MRPS28: variants seen among roughly 807,000 people sequenced by gnomAD.
MRPS28 encodes the protein small ribosomal subunit protein bS1m.
Under a neutral mutation model 10.8 loss-of-function variants are expected in MRPS28, and 7 were observed. The observed-to-expected ratio is 0.65, with a 90% confidence interval of 0.37 to 1.22. MRPS28 has a LOEUF of 1.22. Among genes scored for constraint, MRPS28 ranks in the 50% most tolerant of loss-of-function variants. The pLI is 0.02. For missense variants in MRPS28, 265 were observed against 232.9 expected (o/e 1.14, Z -0.90); for synonymous variants, 121 against 93.3 (o/e 1.30, Z -1.71).
At chr8:79,963,819 T>C (rs1331798740) in intron 2 of MRPS28, among the ~76,000 whole-genome samples, 2 of 152,192 alleles carry the variant, frequency 1.3e-5, no homozygotes, top group East Asian at 3.9e-4. Flanking sequence ...GGCGGAAGAA[T>C]GCTCCACACT....
intron 2 of MRPS28, among the ~76,000 whole-genome samples, chr8:79,921,679 T>C (rs1182092946): frequency 6.6e-6 from 1 of 152,208 alleles, no homozygotes; most frequent in African/African-American, 2.4e-5. Flanking sequence ...AAGGAGATTT[T>C]GGGCTGAGAC....
At chr8:79,995,404 T>C (rs144004513) in intron 2 of MRPS28, among the ~76,000 whole-genome samples, 1 of 152,360 alleles carries the variant, frequency 6.6e-6, no homozygotes, top group East Asian at 1.9e-4. Flanking sequence ...ACTCATTTAT[T>C]TGCAAATTCA....
intron 1 of MRPS28, 22 bp downstream of exon 1, chr8:80,030,014 C>G (rs552959558): frequency 6.2e-7 from 1 of 1,609,766 alleles, no homozygotes; most frequent in East Asian, 2.2e-5. Context: ...CCGCGACTCC[C>G]TCTCACCCGC....
At chr8:79,981,701 A>T (rs1807958627) in intron 2 of MRPS28, among the ~76,000 whole-genome samples, 1 of 152,236 alleles carries the variant, frequency 6.6e-6, no homozygotes, top group Admixed American at 6.5e-5. Context: ...TATCTTCCAC[A>T]CTGAAAGAGG....
intron 2 of MRPS28, among the ~76,000 whole-genome samples, chr8:79,959,582 T>C (rs920892332): frequency 1.3e-5 from 2 of 152,126 alleles, no homozygotes; most frequent in African/African-American, 4.8e-5. Context: ...ATCTGAAATA[T>C]AATTTTACAT....
chr8:79,966,737 C>A lies in MRPS28; in HGVS notation c.395+36262G>T, dbSNP rs557508786. ...ATTTAATTGCCTGTAGTTCGTCTGG[C>A]TTTAGTGCTTTTGTCATTCATAGAA... is the stretch of plus-strand genomic sequence containing the variant. On this transcript the variant is annotated intron_variant, in intron 2 of 2. Coordinates refer to ENST00000276585, the MANE Select transcript of MRPS28 (RefSeq NM_014018.3). 1.5e-3 allele frequency among the ~76,000 whole-genome samples: 230 copies of A among 152,142 alleles called. 4 individuals are homozygous for A. The highest frequency in any genetic ancestry group is 5.2e-3 in the African/African-American group (217 of 41,526).
chr8:79,982,617 G>A (rs1218580165), intron 2 of MRPS28, among the ~76,000 whole-genome samples: 3 of 152,188 alleles, frequency 2.0e-5, no homozygotes, highest in Non-Finnish European at 4.4e-5. Flanking sequence ...ATTATATCCT[G>A]CACCTGGCTC....
chr8:79,954,612 T>C (rs975873713), intron 2 of MRPS28, among the ~76,000 whole-genome samples: 19 of 152,190 alleles, frequency 1.2e-4, no homozygotes, highest in Admixed American at 1.1e-3. Context: ...CTCCTCTCCA[T>C]AGAAATCCAG....
At chr8:79,927,228 T>C (rs1810253268) in intron 2 of MRPS28, among the ~76,000 whole-genome samples, 1 of 152,204 alleles carries the variant, frequency 6.6e-6, no homozygotes, top group Non-Finnish European at 1.5e-5. Context: ...TAAGGTTTAC[T>C]GTCATTAAGG....
chr8:79,959,738 G>A (rs1807325386), intron 2 of MRPS28, among the ~76,000 whole-genome samples: 1 of 152,014 alleles, frequency 6.6e-6, no homozygotes, highest in Admixed American at 6.6e-5. Context: ...TAGCTAATAA[G>A]ACAAGTAGAA....
chr8:79,958,186 G>A, intron 2 of MRPS28: 1 of 532,674 alleles, frequency 1.9e-6, no homozygotes. Flanking sequence ...CTAGACTCTG[G>A]GGATGACTAA....
intron 2 of MRPS28, among the ~76,000 whole-genome samples, chr8:79,938,933 A>G (rs1348876794): frequency 6.6e-6 from 1 of 152,188 alleles, no homozygotes; most frequent in Non-Finnish European, 1.5e-5. Flanking sequence ...ATTTAACATA[A>G]AATCTACAGA....
At chr8:79,920,766 T>C (rs1810071417) in intron 2 of MRPS28, among the ~76,000 whole-genome samples, 1 of 152,226 alleles carries the variant, frequency 6.6e-6, no homozygotes, top group African/African-American at 2.4e-5. Flanking sequence ...GTAGTTTCTT[T>C]TGCTGTGCAG....
At chr8:79,938,229 T>TA in intron 2 of MRPS28, among the ~76,000 whole-genome samples, 1 of 149,738 alleles carries the variant, frequency 6.7e-6, no homozygotes, top group Middle Eastern at 3.5e-3. Context: ...AAGACATAGG[T>TA]GGGGGGGGGC....
intron 1 of MRPS28, among the ~76,000 whole-genome samples, chr8:80,006,738 G>C (rs1808859707): frequency 6.6e-6 from 1 of 152,168 alleles, no homozygotes; most frequent in African/African-American, 2.4e-5. Flanking sequence ...TTGAATCCCT[G>C]AATAGACCAA....
intron 2 of MRPS28, among the ~76,000 whole-genome samples, chr8:79,950,098 C>G (rs1390685827): frequency 6.6e-6 from 1 of 152,082 alleles, no homozygotes; most frequent in Non-Finnish European, 1.5e-5. Context: ...AGCTTCCCCC[C>G]TAGTTTCTAG....
chr8:79,995,449 G>A (rs769995386), intron 2 of MRPS28, among the ~76,000 whole-genome samples: 39 of 152,042 alleles, frequency 2.6e-4, no homozygotes, highest in Non-Finnish European at 4.4e-4. Flanking sequence ...GCAGGATTTC[G>A]GATTGAATAA....
chr8:79,977,784 T>C (rs1807843148), intron 2 of MRPS28, among the ~76,000 whole-genome samples: 1 of 151,964 alleles, frequency 6.6e-6, no homozygotes, highest in Non-Finnish European at 1.5e-5. Context: ...AGCACTATAC[T>C]ACAGCCTGGG....
chr8:79,928,071 A>T (rs200099445), intron 2 of MRPS28, among the ~76,000 whole-genome samples: 1 of 152,042 alleles, frequency 6.6e-6, no homozygotes, highest in Admixed American at 6.6e-5. Flanking sequence ...CACCTATAAT[A>T]CCAGCACTTT....
Sources: allele counts gnomAD v4.1 joint callset (sites outside exome capture counted in the v4.1 genomes callset), GRCh38; gene constraint gnomAD v4.1.1; transcripts MANE v1.5; gene names NCBI Gene and HGNC (gene_info 2026-07-23, HGNC 2026-07-21).